The following CC2D2A variants were observed in gnomAD, a reference collection of about 807,000 sequenced individuals.
CC2D2A encodes the protein coiled-coil and C2 domain-containing protein 2A.
Under a neutral mutation model 212.9 loss-of-function variants are expected in CC2D2A, and 155 were observed. That is an observed-to-expected ratio of 0.73 (90% CI 0.64 to 0.83). The LOEUF is 0.83. Ranked by LOEUF, CC2D2A falls within the 40% of genes least tolerant of loss-of-function variation. CC2D2A has a pLI of 0.00. For synonymous variants in CC2D2A, 667 were observed against 686.5 expected (o/e 0.97, Z 0.44); for missense variants, 1,856 against 1,956.2 (o/e 0.95, Z 0.97).
At chr4:15,491,291 C>T (rs539782538) in intron 4 of CC2D2A, among the ~76,000 whole-genome samples, 43 of 152,272 alleles carry the variant, frequency 2.8e-4, no homozygotes, top group African/African-American at 8.4e-4. Flanking sequence ...CCTTTACAGT[C>T]GATGTATAGT....
intron 4 of CC2D2A, among the ~76,000 whole-genome samples, chr4:15,497,800 T>C (rs900676970): frequency 6.6e-6 from 1 of 152,190 alleles, no homozygotes; most frequent in African/African-American, 2.4e-5. Context: ...TGTACTTCTT[T>C]CTCAGAGAAT....
intron 17 of CC2D2A, among the ~76,000 whole-genome samples, chr4:15,549,349 T>G (rs1718875572): frequency 6.6e-6 from 1 of 152,214 alleles, no homozygotes; most frequent in African/African-American, 2.4e-5. Flanking sequence ...CCTATTAGAA[T>G]AGCTCACAGC....
chr4:15,532,248 T>C (rs975951242), intron 13 of CC2D2A, among the ~76,000 whole-genome samples: 4 of 152,324 alleles, frequency 2.6e-5, no homozygotes, highest in African/African-American at 9.6e-5. Flanking sequence ...CTTGACTACC[T>C]AACCACTATC....
At chr4:15,507,152 T>G (rs192845828) in intron 6 of CC2D2A, among the ~76,000 whole-genome samples, 6 of 152,230 alleles carry the variant, frequency 3.9e-5, no homozygotes, top group Admixed American at 2.6e-4. Context: ...TCAAAAACAT[T>G]TAAAATACTG....
At chr4:15,509,419 G>T (rs766740159) in intron 6 of CC2D2A, among the ~76,000 whole-genome samples, 1 of 152,006 alleles carries the variant, frequency 6.6e-6, no homozygotes, top group Admixed American at 6.5e-5. Context: ...GATTACAGGC[G>T]CCCGCCACCA....
chr4:15,576,031 CCA>C (rs1720390172), intron 29 of CC2D2A, among the ~76,000 whole-genome samples: 1 of 152,200 alleles, frequency 6.6e-6, no homozygotes, highest in Non-Finnish European at 1.5e-5. Flanking sequence ...GGGCTCTGAA[CCA>C]CAGTCCTCAA....
At chr4:15,578,796 G>T (rs1720518404) in intron 29 of CC2D2A, among the ~76,000 whole-genome samples, 2 of 106,200 alleles carry the variant, frequency 1.9e-5, no homozygotes, top group African/African-American at 3.5e-5. Context: ...TGGTTTGTTT[G>T]TTTGTTTGTT....
Position 15,560,553 on chromosome 4 carries a change from G to A in CC2D2A, c.2945G>A (p.Arg982His), listed in dbSNP as rs150093365. The change falls in exon 23 of 37, where the codon CGT becomes CAT. Residue 982 changes from arginine to histidine, a missense_variant. By Grantham distance (29) the Arg-to-His change is conservative. This residue lies in a region of CC2D2A where 1,512 missense variants were observed against 1,579.3 expected (regional missense o/e 0.96). Transcript: ENST00000424120. ...CAGGTTAGAGAATCAGTGATAAATC[G>A]TTTCTTAATTGCAAAACAATATTTT... The part of the protein sequence containing the change: ...LQQVRESVIN[R>H]FLIAKQYFLL... 181 of 1,517,768 alleles carry A rather than the reference G, an allele frequency of 1.2e-4. No individual in the cohort carries two copies. In the African/African-American group the frequency reaches 1.7e-3, roughly 15 times the overall value. 94.0% of individuals were successfully genotyped at this position (1,517,768 alleles called of 1,614,324 possible).
At chr4:15,505,876 T>C (rs1400581666) in intron 6 of CC2D2A, among the ~76,000 whole-genome samples, 2 of 152,246 alleles carry the variant, frequency 1.3e-5, no homozygotes, top group East Asian at 3.8e-4. Context: ...TTGAGGGGTC[T>C]ACAAGACAAT....
chr4:15,517,637 G>GT (rs1716961629), intron 11 of CC2D2A, among the ~76,000 whole-genome samples: 1 of 152,152 alleles, frequency 6.6e-6, no homozygotes, highest in Non-Finnish European at 1.5e-5. Context: ...CCACATAAGT[G>GT]TCTAAAACAG....
intron 29 of CC2D2A, 117 bp downstream of exon 29, chr4:15,574,443 T>A: frequency 1.4e-6 from 1 of 716,608 alleles, no homozygotes; most frequent in Non-Finnish European, 2.2e-6. Flanking sequence ...TACTTCAATC[T>A]CCATTTATTA....
At chr4:15,579,845 G>A in intron 29 of CC2D2A, 123 bp from the exon 30 acceptor site, 1 of 738,500 alleles carries the variant, frequency 1.4e-6, no homozygotes, top group Non-Finnish European at 2.3e-6. Flanking sequence ...GGACATGACA[G>A]CTTTGTAAGG....
chr4:15,524,078 G>T (rs1717357738), intron 11 of CC2D2A, among the ~76,000 whole-genome samples: 1 of 152,022 alleles, frequency 6.6e-6, no homozygotes, highest in African/African-American at 2.4e-5. Flanking sequence ...ATTTTTTCAG[G>T]GCAAATGTAG....
chr4:15,569,228 A>G, intron 26 of CC2D2A, 65 bp from the exon 27 acceptor site: 1 of 871,686 alleles, frequency 1.1e-6, no homozygotes, highest in Non-Finnish European at 1.9e-6. Context: ...AAATGCTGAC[A>G]TTTGAATGCT....
In CC2D2A at chr4:15,587,934, G is replaced by C; in HGVS notation, c.4179+5G>C. 6.5e-7 allele frequency: 1 copy of C among 1,537,834 alleles called. No individual in the cohort carries two copies. Among genetic ancestry groups the C allele is most frequent in the Non-Finnish European group, 9.0e-7 (1 of 1,111,928 alleles). On this transcript the variant is annotated splice_donor_5th_base_variant and intron_variant, in intron 32 of 36. Coordinates refer to ENST00000424120, the MANE Select transcript of CC2D2A (RefSeq NM_001378615.1). The stretch of plus-strand genomic sequence containing the variant: ...ATGGGCAATGCTATTCCTGAGGTAA[G>C]ACCACATAGGCTGCCTTTAACAGAG...
At chr4:15,502,951 T>C (rs2108998907) in intron 6 of CC2D2A, 28 bp downstream of exon 6, 1 of 1,527,328 alleles carries the variant, frequency 6.5e-7, no homozygotes, top group Non-Finnish European at 8.9e-7. Context: ...TACTTTGTGA[T>C]CAAAACCAGT....
intron 36 of CC2D2A, among the ~76,000 whole-genome samples, chr4:15,600,750 A>G (rs545777360): frequency 6.6e-6 from 1 of 152,032 alleles, no homozygotes; most frequent in South Asian, 2.1e-4. Context: ...AAAAATACAA[A>G]AAGTAGCCAG....
At chr4:15,567,103 CA>C (rs980870618) in intron 24 of CC2D2A, among the ~76,000 whole-genome samples, 2 of 151,884 alleles carry the variant, frequency 1.3e-5, no homozygotes, top group African/African-American at 4.8e-5. Flanking sequence ...AGCAACATGG[CA>C]AAACCACATC....
At chr4:15,582,969 T>C (rs761861763) in intron 30 of CC2D2A, among the ~76,000 whole-genome samples, 50 of 152,172 alleles carry the variant, frequency 3.3e-4, no homozygotes, top group Middle Eastern at 3.4e-3. Context: ...AATTCAATAA[T>C]ATATTAAAAA....
Sources: allele counts gnomAD v4.1 joint callset (sites outside exome capture counted in the v4.1 genomes callset), GRCh38; gene constraint gnomAD v4.1.1; regional missense constraint gnomAD v4.1.1; transcripts MANE v1.5; gene names NCBI Gene and HGNC (gene_info 2026-07-23, HGNC 2026-07-21).